Variants in RALYL observed in about 807,000 individuals in gnomAD.
RALYL encodes the protein RALY RNA binding protein like.
Under a neutral mutation model 35.1 loss-of-function variants are expected in RALYL, and 29 were observed. The ratio of observed to expected loss-of-function variants is 0.83; its 90% CI spans 0.61 to 1.13. The LOEUF is 1.13. Among genes scored for constraint, RALYL ranks in the 50% most tolerant of loss-of-function variants. RALYL has a pLI of 0.00. For missense variants in RALYL, 359 were observed against 360.4 expected, an observed-to-expected ratio of 1.00 and a Z score of 0.03; for synonymous variants, 120 against 127.6, an observed-to-expected ratio of 0.94 and a Z score of 0.40.
chr8:84,604,964 T>C (rs1478294896), intron 2 of RALYL, among the ~76,000 whole-genome samples: 4 of 139,178 alleles, frequency 2.9e-5, no homozygotes, highest in Non-Finnish European at 4.7e-5. Context: ...TGGGACATTC[T>C]GTTCTTCAAA....
At chr8:84,846,805 G>T (rs1834764764) in intron 4 of RALYL, among the ~76,000 whole-genome samples, 1 of 152,160 alleles carries the variant, frequency 6.6e-6, no homozygotes, top group African/African-American at 2.4e-5. Context: ...ACATAGCAGT[G>T]TTCATAATAG....
At chr8:84,785,486 A>C (rs1819218915) in intron 3 of RALYL, among the ~76,000 whole-genome samples, 1 of 152,234 alleles carries the variant, frequency 6.6e-6, no homozygotes, top group African/African-American at 2.4e-5. Context: ...TTCCCAATCC[A>C]GAGACTAAAG....
chr8:84,463,122 T>C (rs971226366), intron 1 of RALYL, among the ~76,000 whole-genome samples: 4 of 152,016 alleles, frequency 2.6e-5, no homozygotes, highest in Non-Finnish European at 5.9e-5. Context: ...TCTCATAGTT[T>C]AGCAGTTTTC....
intron 2 of RALYL, among the ~76,000 whole-genome samples, chr8:84,664,541 AC>A (rs1327439585): frequency 4.0e-5 from 6 of 151,834 alleles, no homozygotes; most frequent in African/African-American, 1.4e-4. Context: ...GAGATATTTC[AC>A]TTCCCTGCTT....
At chr8:84,390,790 G>A (rs1177844762) in intron 1 of RALYL, among the ~76,000 whole-genome samples, 4 of 151,896 alleles carry the variant, frequency 2.6e-5, no homozygotes, top group Non-Finnish European at 5.9e-5. Context: ...GGAAACGCAG[G>A]CATTCTTGTC....
chr8:84,287,947 G>A (rs765478286), intron 1 of RALYL, among the ~76,000 whole-genome samples: 6 of 152,162 alleles, frequency 3.9e-5, no homozygotes, highest in Admixed American at 6.5e-5. Context: ...ATCAAAGCAT[G>A]TTACTATCAA....
intron 1 of RALYL, among the ~76,000 whole-genome samples, chr8:84,302,628 G>A (rs1419895417): frequency 2.0e-5 from 3 of 152,138 alleles, no homozygotes; most frequent in African/African-American, 7.2e-5. Flanking sequence ...TCAAGTCAGT[G>A]GAAAGCCATT....
intron 3 of RALYL, among the ~76,000 whole-genome samples, chr8:84,804,039 T>C (rs1014915): frequency 0.65 from 99,316 of 152,030 alleles, 33,634 homozygotes; most frequent in East Asian, 0.88. Flanking sequence ...GTGGATGCTT[T>C]CCTGATTTAC....
At chr8:84,655,207 T>C (rs570581313) in intron 2 of RALYL, among the ~76,000 whole-genome samples, 1 of 152,300 alleles carries the variant, frequency 6.6e-6, no homozygotes, top group Non-Finnish European at 1.5e-5. Context: ...GTGGAGCACA[T>C]TTTCATATGC....
chr8:84,554,869 G>A (rs951503917), intron 2 of RALYL, among the ~76,000 whole-genome samples: 1 of 152,176 alleles, frequency 6.6e-6, no homozygotes, highest in Non-Finnish European at 1.5e-5. Context: ...AAACAAAAGA[G>A]TATGACAAAG....
chr8:84,219,110 G>T (rs1252741701), intron 1 of RALYL, among the ~76,000 whole-genome samples: 1 of 152,030 alleles, frequency 6.6e-6, no homozygotes, highest in African/African-American at 2.4e-5. Context: ...AGTTGTGATT[G>T]TGTACTGATA....
chr8:84,344,211 A>G (rs1383455264), intron 1 of RALYL, among the ~76,000 whole-genome samples: 2 of 152,102 alleles, frequency 1.3e-5, no homozygotes, highest in Non-Finnish European at 1.5e-5. Flanking sequence ...TATAATACAG[A>G]TTAACCTATT....
At chr8:84,368,969 G>A (rs1041501626) in intron 1 of RALYL, among the ~76,000 whole-genome samples, 1 of 152,180 alleles carries the variant, frequency 6.6e-6, no homozygotes, top group Non-Finnish European at 1.5e-5. Flanking sequence ...ATCAGGTCAA[G>A]TTTTTCCATC....
chr8:84,407,562 C>CT (rs61575070), intron 1 of RALYL, among the ~76,000 whole-genome samples: 5,345 of 152,114 alleles, frequency 0.035, 314 homozygotes, highest in African/African-American at 0.12. Context: ...ACCCCATATA[C>CT]TTTACATATC....
chr8:84,467,737 G>A (rs958916957), intron 1 of RALYL, among the ~76,000 whole-genome samples: 1 of 150,826 alleles, frequency 6.6e-6, no homozygotes, highest in African/African-American at 2.4e-5. Flanking sequence ...AATGTTGACA[G>A]TGGAGTGTTA....
At chr8:84,838,327 C>T (rs889020763) in intron 4 of RALYL, among the ~76,000 whole-genome samples, 1 of 152,144 alleles carries the variant, frequency 6.6e-6, no homozygotes, top group Middle Eastern at 3.4e-3. Context: ...CCCTCCCCCA[C>T]AAAAAAGGAC....
At chr8:84,489,594 A>G (rs2055029524) in intron 1 of RALYL, among the ~76,000 whole-genome samples, 1 of 152,030 alleles carries the variant, frequency 6.6e-6, no homozygotes, top group South Asian at 2.1e-4. Flanking sequence ...ATTACTGTGT[A>G]TTATATGTTT....
rs1347467020 is a variant in RALYL, at chr8:84,707,121, A to G, written c.257-67458A>G. Among the ~76,000 whole-genome samples the G allele has an allele frequency of 3.3e-5, 5 of 152,258 alleles. No individual in the cohort carries two copies. In the East Asian group the frequency reaches 9.6e-4, roughly 29 times the overall value. ...TTTATTCTTTGGTCTGTTTTCACCT[A>G]AGATCTGAAAACTAACATTTCTCCT... On this transcript the variant is annotated intron_variant, in intron 2 of 8. Coordinates refer to ENST00000521268, the MANE Select transcript of RALYL (RefSeq NM_173848.7).
chr8:84,898,504 C>T (rs768728991), intron 8 of RALYL, among the ~76,000 whole-genome samples: 38 of 152,138 alleles, frequency 2.5e-4, no homozygotes, highest in Non-Finnish European at 4.4e-4. Flanking sequence ...GCACATGGTA[C>T]ATGAAGAAGA....
Sources: allele counts gnomAD v4.1 joint callset (sites outside exome capture counted in the v4.1 genomes callset), GRCh38; gene constraint gnomAD v4.1.1; transcripts MANE v1.5; gene names NCBI Gene and HGNC (gene_info 2026-07-23, HGNC 2026-07-21).